RPS6KA2: variants seen among roughly 807,000 people sequenced by gnomAD.
RPS6KA2 encodes ribosomal protein S6 kinase A2, also known as ribosomal protein S6 kinase alpha-2.
Under a neutral mutation model 91.8 loss-of-function variants are expected in RPS6KA2, and 42 were observed. The observed-to-expected ratio is 0.46, with a 90% CI of 0.36 to 0.59. The LOEUF (loss-of-function observed/expected upper bound fraction) is 0.59, where lower values mean the gene tolerates loss of function less well. RPS6KA2 is among the 20% of genes least tolerant of loss of function. The probability of loss-of-function intolerance (pLI) is 0.00; values close to 1 mark genes in which losing one functional copy is unlikely to be tolerated. For missense variants in RPS6KA2, 798 were observed against 978.5 expected (o/e 0.82, Z 2.46); for synonymous variants, 414 against 393.6 (o/e 1.05, Z -0.61).
chr6:166,429,319 G>C (rs1001786797), intron 16 of RPS6KA2, among the ~76,000 whole-genome samples: 1 of 150,094 alleles, frequency 6.7e-6, no homozygotes, highest in East Asian at 2.0e-4. Flanking sequence ...GATAGCATTA[G>C]GAGATATACC....
rs114462701 is a variant in RPS6KA2, at chr6:166,453,920, G to A, written c.1076-2687C>T. 4.1e-3 allele frequency among the ~76,000 whole-genome samples: 629 copies of A among 152,328 alleles called. 7 individuals are homozygous for A. The highest frequency in any genetic ancestry group is 0.014 in the African/African-American group (599 of 41,570). On this transcript the variant is annotated intron_variant, in intron 12 of 20. Coordinates refer to ENST00000265678, the MANE Select transcript of RPS6KA2 (RefSeq NM_021135.6). ...TGCAGCAACATGGATGGAAAAGAAG[G>A]CCATTATTTTAAGTGAAACAACTCA...
intron 2 of RPS6KA2, among the ~76,000 whole-genome samples, chr6:166,839,714 A>AGAGGAGAGGAGAGGAGAGGAGAGGC (rs1467381113): frequency 5.1e-5 from 2 of 39,370 alleles, no homozygotes; most frequent in African/African-American, 2.5e-4. Context: ...AGAGGAGAGG[A>AGAGGAGAGGAGAGGAGAGGAGAGGC]GAGGCGGCAC....
Position 166,448,942 on chromosome 6 carries a change from C to T in RPS6KA2, c.1207-93G>A, listed in dbSNP as rs1779765044. On this transcript the variant is annotated intron_variant, in intron 13 of 20. Transcript: ENST00000265678. The surrounding 1 kb of genome is among the most constrained non-coding windows in gnomAD (Gnocchi z 4.7). ...ACACAGAATGTGGGGCGAAGAGAGGCACCGACTGTGAACTGAGTGTGTGGA... is the reference window on the plus strand; with the variant it reads ...ACACAGAATGTGGGGCGAAGAGAGGTACCGACTGTGAACTGAGTGTGTGGA... The T allele has an allele frequency of 4.7e-6, 7 of 1,503,292 alleles. No homozygotes were observed. Among genetic ancestry groups the T allele is most frequent in the Non-Finnish European group, 5.5e-6 (6 of 1,099,270 alleles). The allele number at this position is 1,503,292 out of a possible 1,614,324, so 93.1% of individuals were successfully genotyped here.
intron 14 of RPS6KA2, among the ~76,000 whole-genome samples, chr6:166,446,160 C>T (rs1373452490): frequency 2.0e-5 from 3 of 152,214 alleles, no homozygotes; most frequent in Non-Finnish European, 2.9e-5. Context: ...AATGCCAATT[C>T]GTCCATCTTG....
At chr6:166,501,263 G>A (rs1197427744) in intron 6 of RPS6KA2, among the ~76,000 whole-genome samples, 1 of 152,248 alleles carries the variant, frequency 6.6e-6, no homozygotes, top group Non-Finnish European at 1.5e-5. Context: ...CATAGGTGGA[G>A]AGCGTCCTGG....
chr6:166,815,674 G>C (rs1306380986), intron 2 of RPS6KA2, among the ~76,000 whole-genome samples: 1 of 152,166 alleles, frequency 6.6e-6, no homozygotes, highest in Non-Finnish European at 1.5e-5. Context: ...AGCATTTCAG[G>C]AAATAATGTG....
intron 1 of RPS6KA2, among the ~76,000 whole-genome samples, chr6:166,558,818 T>C (rs959298639): frequency 2.6e-5 from 4 of 152,168 alleles, no homozygotes; most frequent in Admixed American, 2.6e-4. Context: ...GCTGGACACG[T>C]GAACCCATGA....
At chr6:166,615,538 G>T (rs1786373353) in intron 1 of RPS6KA2, among the ~76,000 whole-genome samples, 1 of 152,112 alleles carries the variant, frequency 6.6e-6, no homozygotes, top group Non-Finnish European at 1.5e-5. Context: ...AGGACCTGCT[G>T]ACCCCCTGGG....
At chr6:166,597,226 G>A (rs1000947798) in intron 1 of RPS6KA2, among the ~76,000 whole-genome samples, 21 of 152,240 alleles carry the variant, frequency 1.4e-4, no homozygotes, top group African/African-American at 4.8e-4. Flanking sequence ...AAAGAATGGA[G>A]TCTCTAGAGG....
Position 166,563,771 on chromosome 6 carries a change from T to C in RPS6KA2, c.100-24987A>G, listed in dbSNP as rs1309041281. On this transcript the variant is annotated intron_variant, in intron 1 of 20. Coordinates refer to ENST00000265678, the MANE Select transcript of RPS6KA2 (RefSeq NM_021135.6). This position sits in a 1 kb window ranked among gnomAD's most constrained non-coding sequence, Gnocchi z 4.1. ...TTTATGGGCTGGACCTTTAGGGTAT[T>C]GTTTGTAAGATGTATATGATTTTCA... 6.6e-6 allele frequency among the ~76,000 whole-genome samples: 1 copy of C among 152,246 alleles called. No homozygotes were observed. Among genetic ancestry groups the C allele is most frequent in the African/African-American group, 2.4e-5 (1 of 41,460 alleles).
chr6:166,812,368 T>G (rs4710111), intron 2 of RPS6KA2, among the ~76,000 whole-genome samples: 2 of 151,668 alleles, frequency 1.3e-5, no homozygotes, highest in East Asian at 1.9e-4. Flanking sequence ...AAAAAAGAAA[T>G]AAAGCGTCTG....
intron 2 of RPS6KA2, among the ~76,000 whole-genome samples, chr6:166,654,076 G>GA (rs1379433973): frequency 2.0e-5 from 3 of 152,184 alleles, no homozygotes; most frequent in Non-Finnish European, 4.4e-5. Flanking sequence ...TATTCTGATC[G>GA]AAAGTGAACT....
upstream of RPS6KA2, among the ~76,000 whole-genome samples, chr6:166,629,143 C>T (rs559360878): frequency 2.6e-5 from 4 of 152,328 alleles, no homozygotes; most frequent in South Asian, 8.3e-4. Flanking sequence ...AGATGGACCT[C>T]CAACTGGACA....
At chr6:166,721,822 AGAGGAGGAGCCGGTGCCAGCTCAGAG>A (rs1027141670) in intron 2 of RPS6KA2, among the ~76,000 whole-genome samples, 2 of 2,050 alleles carry the variant, frequency 9.8e-4, no homozygotes, top group Non-Finnish European at 1.6e-3. Context: ...GTGCCAGCTC[AGAGGAGGAGCCGGTGCCAGCTCAGAG>A]GAGGAGCCGG....
At chr6:166,699,516 G>T (rs964265816) in intron 2 of RPS6KA2, among the ~76,000 whole-genome samples, 2 of 152,150 alleles carry the variant, frequency 1.3e-5, no homozygotes, top group African/African-American at 4.8e-5. Flanking sequence ...ATAAGAATGA[G>T]GCAGAGTGAT....
At chr6:166,598,419 G>A (rs1785617062) in intron 1 of RPS6KA2, among the ~76,000 whole-genome samples, 1 of 152,180 alleles carries the variant, frequency 6.6e-6, no homozygotes, top group African/African-American at 2.4e-5. Context: ...TAAATGGTTT[G>A]CAAAATTAAG....
intron 1 of RPS6KA2, among the ~76,000 whole-genome samples, chr6:166,560,757 A>G (rs1182400769): frequency 1.3e-5 from 2 of 152,158 alleles, no homozygotes; most frequent in Non-Finnish European, 2.9e-5. Context: ...AGTGAACAGG[A>G]GGACTGGCTT....
chr6:166,488,155 C>T (rs1048710920), intron 10 of RPS6KA2, among the ~76,000 whole-genome samples: 9 of 152,144 alleles, frequency 5.9e-5, no homozygotes, highest in Non-Finnish European at 1.2e-4. Flanking sequence ...ACACCCTGCT[C>T]CAGTTGCTGT....
intron 2 of RPS6KA2, among the ~76,000 whole-genome samples, chr6:166,855,456 A>C (rs56187817): frequency 0.14 from 15,971 of 117,322 alleles, 2,603 homozygotes; most frequent in African/African-American, 0.37. Flanking sequence ...AAGAGGAAGA[A>C]GAAGAGGAAG....
Sources: gnomAD v4.1 joint callset for allele counts (sites outside exome capture counted in the v4.1 genomes callset) on GRCh38, gnomAD v4.1.1 for gene constraint, Gnocchi (gnomAD v3.1) non-coding constraint, MANE v1.5 for transcripts, NCBI Gene and HGNC (gene_info 2026-07-23, HGNC 2026-07-21) for gene names.